SLIT3: variants seen among roughly 807,000 people sequenced by gnomAD.
SLIT3 encodes the protein slit homolog 3 protein.
In SLIT3, 68 loss-of-function variants were observed where a neutral mutation model predicts 184.0. The observed-to-expected ratio is 0.37, with a 90% CI of 0.30 to 0.45. The LOEUF (loss-of-function observed/expected upper bound fraction) is 0.45, where lower values mean the gene tolerates loss of function less well. Among genes scored for constraint, SLIT3 ranks in the 20% least tolerant of loss-of-function variants. The probability of loss-of-function intolerance (pLI) is 1.00; values close to 1 mark genes in which losing one functional copy is unlikely to be tolerated. For missense variants in SLIT3, 1,707 were observed against 2,026.0 expected (o/e 0.84, Z 3.02); for synonymous variants, 831 against 828.6 (o/e 1.00, Z -0.05).
intron 26 of SLIT3, among the ~76,000 whole-genome samples, chr5:168,701,549 G>A (rs1384130880): frequency 2.0e-5 from 3 of 152,184 alleles, no homozygotes; most frequent in African/African-American, 7.2e-5. Flanking sequence ...GAGCAGTGAG[G>A]GCAGCGGCCC....
chr5:169,288,022 T>C (rs1479419841), intron 1 of SLIT3, among the ~76,000 whole-genome samples: 1 of 152,114 alleles, frequency 6.6e-6, no homozygotes, highest in Non-Finnish European at 1.5e-5. Flanking sequence ...TCCCTCATTT[T>C]CCCCTAGGAA....
At chr5:168,860,098 G>A (rs1561972924) in intron 5 of SLIT3, among the ~76,000 whole-genome samples, 1 of 152,200 alleles carries the variant, frequency 6.6e-6, no homozygotes, top group Non-Finnish European at 1.5e-5. Flanking sequence ...CTGGGTGGTT[G>A]CAGCTATAGA....
chr5:168,833,644 G>A (rs938466580), intron 6 of SLIT3, among the ~76,000 whole-genome samples: 2 of 152,214 alleles, frequency 1.3e-5, no homozygotes, highest in African/African-American at 4.8e-5. Flanking sequence ...AAAGGTGATG[G>A]CATGAACAGG....
At chr5:168,914,590 C>G (rs1761373014) in intron 4 of SLIT3, among the ~76,000 whole-genome samples, 1 of 152,210 alleles carries the variant, frequency 6.6e-6, no homozygotes. Flanking sequence ...ATTCTATTCC[C>G]AACTCTGCCA....
chr5:169,298,329 C>T (rs1767577746), intron 1 of SLIT3, among the ~76,000 whole-genome samples: 3 of 152,022 alleles, frequency 2.0e-5, no homozygotes, highest in Admixed American at 2.0e-4. Flanking sequence ...AGTCTCTGTC[C>T]TGTTTCTCCA....
At chr5:169,081,579 G>A (rs551653363) in intron 4 of SLIT3, among the ~76,000 whole-genome samples, 5 of 152,094 alleles carry the variant, frequency 3.3e-5, no homozygotes, top group East Asian at 1.9e-4. Context: ...CAGGGCCCCC[G>A]AGGAGAAGGG....
intron 4 of SLIT3, among the ~76,000 whole-genome samples, chr5:169,176,447 G>A (rs1344275944): frequency 6.6e-6 from 1 of 152,162 alleles, no homozygotes; most frequent in African/African-American, 2.4e-5. Context: ...AGATTGTGGA[G>A]AGAAGATGCA....
chr5:168,801,214 A>T (rs1239234381), intron 9 of SLIT3, among the ~76,000 whole-genome samples: 1 of 152,142 alleles, frequency 6.6e-6, no homozygotes, highest in Non-Finnish European at 1.5e-5. Context: ...AGTCCCTTAC[A>T]TGGAAACCTG....
intron 4 of SLIT3, chr5:169,024,917 A>G (rs1456293057): frequency 6.6e-6 from 1 of 152,232 alleles, no homozygotes. Flanking sequence ...TGCCGCTCCC[A>G]AAGTCTCCAG....
chr5:169,207,943 G>A lies in SLIT3; in HGVS notation c.342-14393C>T, dbSNP rs1764128666. 5.3e-5 allele frequency among the ~76,000 whole-genome samples: 8 copies of A among 152,116 alleles called. No individual in the cohort carries two copies. In the South Asian group the frequency reaches 1.2e-3, roughly 24 times the overall value. On this transcript the variant is annotated intron_variant, in intron 3 of 35. Transcript: ENST00000519560. ...TATACTGGCACCTTCCTTGATCTTG[G>A]ACTTCCCCTTATTTATTTATAAGCC...
chr5:169,020,348 T>G (rs1232523006), intron 4 of SLIT3, among the ~76,000 whole-genome samples: 1 of 152,200 alleles, frequency 6.6e-6, no homozygotes, highest in Admixed American at 6.5e-5. Flanking sequence ...TTGGCCTGGC[T>G]TGGTCCGTGA....
intron 4 of SLIT3, among the ~76,000 whole-genome samples, chr5:169,074,585 G>A (rs1022888261): frequency 6.6e-6 from 1 of 152,146 alleles, no homozygotes; most frequent in African/African-American, 2.4e-5. Flanking sequence ...GCTCGGAGAG[G>A]TGAGTACCTT....
At position 168,938,016 on chromosome 5, in the gene SLIT3, A is replaced by AGATAC. The variant is rs539923478; in HGVS notation, c.414-54685_414-54681dup. 3.3e-3 allele frequency among the ~76,000 whole-genome samples: 507 copies of AGATAC among 152,300 alleles called. 2 individuals are homozygous for AGATAC. The highest frequency in any genetic ancestry group is 4.2e-3 in the Non-Finnish European group (287 of 68,024). The stretch of plus-strand genomic sequence containing the variant: ...AATCCAGGGGCTCCATCCACATGGT[A>AGATAC]GATACTGCGGATCTGTATATTTATT... On this transcript the variant is annotated intron_variant, in intron 4 of 35. Coordinates refer to ENST00000519560, the MANE Select transcript of SLIT3 (RefSeq NM_003062.4).
intron 4 of SLIT3, among the ~76,000 whole-genome samples, chr5:169,039,450 A>C (rs1757374953): frequency 6.6e-6 from 1 of 151,102 alleles, no homozygotes; most frequent in South Asian, 2.1e-4. Context: ...CTGAGTAGCT[A>C]GGACTATAGG....
intron 4 of SLIT3, among the ~76,000 whole-genome samples, chr5:168,913,749 AAAAC>A (rs1258905784): frequency 1.5e-4 from 23 of 151,560 alleles, no homozygotes; most frequent in South Asian, 2.1e-4. Context: ...CTCAAAAAAA[AAAAC>A]AAACAAACAA....
At chr5:168,707,471 G>C (rs1473186042) in intron 26 of SLIT3, 1 of 154,962 alleles carries the variant, frequency 6.5e-6, no homozygotes, top group Non-Finnish European at 1.4e-5. Context: ...GATCTTAGCC[G>C]ATCAACCTTT....
chr5:168,816,712 C>G (rs1348241270), intron 8 of SLIT3, among the ~76,000 whole-genome samples: 1 of 152,194 alleles, frequency 6.6e-6, no homozygotes, highest in African/African-American at 2.4e-5. Flanking sequence ...TAATTAAGCT[C>G]CACTGATTTA....
intron 27 of SLIT3, among the ~76,000 whole-genome samples, chr5:168,699,836 A>C (rs576708539): frequency 6.6e-6 from 1 of 152,280 alleles, no homozygotes; most frequent in South Asian, 2.1e-4. Context: ...GCATATAATA[A>C]ATGCCACTTA....
chr5:168,943,060 A>G (rs1482746042), intron 4 of SLIT3, among the ~76,000 whole-genome samples: 1 of 152,230 alleles, frequency 6.6e-6, no homozygotes, highest in Non-Finnish European at 1.5e-5. Context: ...GTAAGGTGCT[A>G]AGATAAATTA....
Sources: gnomAD v4.1 joint callset for allele counts (sites outside exome capture counted in the v4.1 genomes callset) on GRCh38, gnomAD v4.1.1 for gene constraint, MANE v1.5 for transcripts, NCBI Gene and HGNC (gene_info 2026-07-23, HGNC 2026-07-21) for gene names.